ARMH4: variants seen among roughly 807,000 people sequenced by gnomAD.
ARMH4 encodes armadillo-like helical domain-containing protein 4.
A neutral mutation model predicts 61.9 loss-of-function variants in ARMH4; 49 were observed. The ratio of observed to expected loss-of-function variants is 0.79; its 90% CI spans 0.63 to 1.00. The LOEUF (loss-of-function observed/expected upper bound fraction) is 1.00, where lower values mean the gene tolerates loss of function less well. Among genes scored for constraint, ARMH4 ranks in the 50% least tolerant of loss-of-function variants. The pLI is 0.00. For missense variants in ARMH4, 934 were observed against 930.0 expected (o/e 1.00, Z -0.06); for synonymous variants, 368 against 341.5 (o/e 1.08, Z -0.85).
chr14:58,005,314 T>A, intron 6 of ARMH4, 132 bp from the exon 7 acceptor site: 1 of 1,166,734 alleles, frequency 8.6e-7, no homozygotes, highest in Non-Finnish European at 1.2e-6. Flanking sequence ...AAGATAAAAC[T>A]AAGCCTAAAA....
At position 58,004,518 on chromosome 14, in the gene ARMH4, TC is replaced by T; in HGVS notation, c.*217del. 2.4e-6 allele frequency: 1 copy of T among 413,208 alleles called. No homozygotes were observed. Among genetic ancestry groups the T allele is most frequent in the Non-Finnish European group, 4.4e-6 (1 of 228,328 alleles). 25.6% of individuals were successfully genotyped at this position (413,208 alleles called of 1,614,324 possible). On this transcript the variant is annotated 3_prime_UTR_variant, in exon 8 of 8. Transcript: ENST00000267485. ...GTTGTAGCCCACGGTTGTGGAAAAT[TC>T]ACTACAGAATAAAACCAAATACTGC...
chr14:58,129,368 A>G (rs1764677098), intron 4 of ARMH4, among the ~76,000 whole-genome samples: 2 of 152,178 alleles, frequency 1.3e-5, no homozygotes. Flanking sequence ...TCCCATGGAG[A>G]AAAGTACCTC....
rs957576067 is a variant in ARMH4 at position 58,066,954 on chromosome 14, A to G, written c.2089+29770T>C. 2.0e-5 allele frequency among the ~76,000 whole-genome samples: 3 copies of G among 152,218 alleles called. No homozygotes were observed. The South Asian group carries it at 6.2e-4, about 31-fold the overall frequency. On this transcript the variant is annotated intron_variant, in intron 5 of 7. Transcript: ENST00000267485. The stretch of plus-strand genomic sequence containing the variant: ...CAGATCCAGTTTGCTTGACTAATCT[A>G]CAATGTAACTTAGAGTGACCTGATA...
intron 4 of ARMH4, among the ~76,000 whole-genome samples, chr14:58,098,962 C>A (rs973722277): frequency 1.3e-5 from 2 of 152,150 alleles, no homozygotes; most frequent in African/African-American, 4.8e-5. Flanking sequence ...GTGCTTTGGA[C>A]TAGGGTACAA....
intron 5 of ARMH4, among the ~76,000 whole-genome samples, chr14:58,092,551 T>C (rs568444250): frequency 5.3e-5 from 8 of 152,328 alleles, no homozygotes; most frequent in African/African-American, 1.9e-4. Context: ...GAAATGGGTC[T>C]CACTGAGCTA....
At chr14:58,141,362 C>T (rs958943075) in intron 1 of ARMH4, 2 of 503,700 alleles carry the variant, frequency 4.0e-6, no homozygotes, top group Admixed American at 2.3e-5. Flanking sequence ...AATGTCAAAA[C>T]CAAAATTCAG....
At chr14:58,137,432 T>C (rs1887341869) in intron 2 of ARMH4, among the ~76,000 whole-genome samples, 1 of 152,136 alleles carries the variant, frequency 6.6e-6, no homozygotes, top group African/African-American at 2.4e-5. Flanking sequence ...AGTTTCACTC[T>C]TGTCACCCAG....
At chr14:58,026,914 G>T (rs966190594) in intron 5 of ARMH4, among the ~76,000 whole-genome samples, 1 of 152,122 alleles carries the variant, frequency 6.6e-6, no homozygotes, top group Admixed American at 6.5e-5. Context: ...GCCCTTAGCT[G>T]GAGTTTCTGA....
chr14:58,139,200 A>G lies in ARMH4; in HGVS notation c.159T>C (p.Asp53=). 1 of 1,614,248 alleles carries G rather than the reference A, an allele frequency of 6.2e-7. No homozygotes were observed. Among genetic ancestry groups the G allele is most frequent in the Non-Finnish European group, 8.5e-7 (1 of 1,180,040 alleles). ...EKGQSDKMNT[D]DLENSSVTSK... The stretch of plus-strand genomic sequence containing the variant: ...AGGTAACAGAGCTATTTTCTAGGTC[A>G]TCGGTGTTCATCTTATCGGACTGCC... Residue 53 remains aspartate, a synonymous_variant, in exon 2 of 8, where the codon GAT becomes GAC. Transcript: ENST00000267485.
intron 4 of ARMH4, among the ~76,000 whole-genome samples, chr14:58,119,644 A>T (rs1886654449): frequency 6.6e-6 from 1 of 152,224 alleles, no homozygotes; most frequent in Non-Finnish European, 1.5e-5. Context: ...TCCTTTTGCC[A>T]GGAGTCTGAA....
Position 58,057,763 on chromosome 14 carries a change from A to G in ARMH4, c.2089+38961T>C, listed in dbSNP as rs11844340. ...CTAGAGTAAAAGTGTTACCTGAACC[A>G]TATGATCTTTAAAGACAAGCTCTAA... On this transcript the variant is annotated intron_variant, in intron 5 of 7. Coordinates refer to ENST00000267485, the MANE Select transcript of ARMH4 (RefSeq NM_001001872.4). Among the ~76,000 whole-genome samples the G allele has an allele frequency of 7.1e-3, 1,087 of 152,320 alleles. 11 individuals carry two copies. The highest frequency in any genetic ancestry group is 0.025 in the African/African-American group (1,037 of 41,574).
At chr14:58,043,109 C>A (rs1441073041) in intron 5 of ARMH4, among the ~76,000 whole-genome samples, 1 of 152,120 alleles carries the variant, frequency 6.6e-6, no homozygotes. Flanking sequence ...TTTTATGAGG[C>A]CAGCATCATA....
At chr14:58,080,910 T>C (rs1418723874) in intron 5 of ARMH4, among the ~76,000 whole-genome samples, 1 of 152,078 alleles carries the variant, frequency 6.6e-6, no homozygotes, top group African/African-American at 2.4e-5. Context: ...AAGACCAGCC[T>C]GGGCAATATG....
At chr14:58,095,390 T>C (rs1306079782) in intron 5 of ARMH4, among the ~76,000 whole-genome samples, 1 of 152,238 alleles carries the variant, frequency 6.6e-6, no homozygotes, top group African/African-American at 2.4e-5. Flanking sequence ...TTGTATTTTG[T>C]ATCTTATTTC....
chr14:58,061,105 G>C lies in ARMH4; in HGVS notation c.2089+35619C>G, dbSNP rs185623180. On this transcript the variant is annotated intron_variant, in intron 5 of 7. Coordinates refer to ENST00000267485, the MANE Select transcript of ARMH4 (RefSeq NM_001001872.4). ...TCCATGCTGAGCTCCAACTCCGTGA[G>C]GCTCCTCCTTGACTAGCCCAGCCAG... Among the ~76,000 whole-genome samples the C allele has an allele frequency of 7.7e-4, 117 of 152,244 alleles. 1 individual carries two copies. The highest frequency in any genetic ancestry group is 3.9e-3 in the Admixed American group (59 of 15,292).
chr14:58,135,334 TAG>T (rs1250268481), intron 2 of ARMH4, among the ~76,000 whole-genome samples: 5 of 152,300 alleles, frequency 3.3e-5, no homozygotes, highest in African/African-American at 1.2e-4. Flanking sequence ...CTCTAGCACA[TAG>T]GGCAATGCTC....
chr14:58,017,341 G>C (rs765657278), intron 5 of ARMH4, among the ~76,000 whole-genome samples: 7 of 152,024 alleles, frequency 4.6e-5, no homozygotes, highest in Non-Finnish European at 1.0e-4. Flanking sequence ...AACTTAAATT[G>C]TCGCTGTTTG....
chr14:58,091,038 G>A (rs183307107), intron 5 of ARMH4, among the ~76,000 whole-genome samples: 66 of 151,406 alleles, frequency 4.4e-4, no homozygotes, highest in African/African-American at 1.5e-3. Flanking sequence ...GCAACATGGC[G>A]AAACCTCATC....
intron 6 of ARMH4, among the ~76,000 whole-genome samples, chr14:58,005,453 C>T (rs1386754317): frequency 6.6e-6 from 1 of 152,162 alleles, no homozygotes; most frequent in Non-Finnish European, 1.5e-5. Flanking sequence ...AGCTTATGCA[C>T]ATTTGTCAAC....
Sources: allele counts gnomAD v4.1 joint callset (sites outside exome capture counted in the v4.1 genomes callset), GRCh38; gene constraint gnomAD v4.1.1; transcripts MANE v1.5; gene names NCBI Gene and HGNC (gene_info 2026-07-23, HGNC 2026-07-21).